Variants in KIRREL3 observed in about 807,000 individuals in gnomAD.
KIRREL3 encodes the protein kirre like nephrin family adhesion molecule 3.
A neutral mutation model predicts 89.7 loss-of-function variants in KIRREL3; 36 were observed. The ratio of observed to expected loss-of-function variants is 0.40; its 90% CI spans 0.31 to 0.53. KIRREL3 has a LOEUF of 0.53. KIRREL3 is among the 20% of genes least tolerant of loss of function. KIRREL3 has a pLI of 0.49. For missense variants in KIRREL3, 864 were observed against 1,056.6 expected (o/e 0.82, Z 2.53); for synonymous variants, 445 against 441.4 (o/e 1.01, Z -0.10).
In KIRREL3 at chr11:126,969,807, G is replaced by A. The variant is rs531946420; in HGVS notation, c.55+30648C>T. 3.9e-4 allele frequency among the ~76,000 whole-genome samples: 59 copies of A among 152,264 alleles called. No homozygotes were observed. Among genetic ancestry groups the A allele is most frequent in the African/African-American group, 1.3e-3 (56 of 41,550 alleles). On this transcript the variant is annotated intron_variant, in intron 1 of 16. Transcript: ENST00000525144. This position sits in a 1 kb window ranked among gnomAD's most constrained non-coding sequence, Gnocchi z 4.9. ...TTCCGGGATTCTGCCATTGAAGGAA[G>A]GAAAAAGGTAGCAGACAGCCTTTCC...
Position 126,890,532 on chromosome 11 carries a change from AC to A in KIRREL3, c.55+109922del, listed in dbSNP as rs1189602847. On this transcript the variant is annotated intron_variant, in intron 1 of 16. Coordinates refer to ENST00000525144, the MANE Select transcript of KIRREL3 (RefSeq NM_032531.4). This position sits in a 1 kb window ranked among gnomAD's most constrained non-coding sequence, Gnocchi z 5.1. ...TCAAGCACTTTGCCATTTAATGGTG[AC>A]CAAATCCCTCCAGTTTTCTGCTCCC... 1.0e-3 allele frequency among the ~76,000 whole-genome samples: 155 copies of A among 152,354 alleles called. 1 individual carries two copies. Among genetic ancestry groups the A allele is most frequent in the African/African-American group, 3.6e-3 (149 of 41,586 alleles).
At chr11:126,633,406 TG>T (rs1944130732) in intron 1 of KIRREL3, among the ~76,000 whole-genome samples, 1 of 152,096 alleles carries the variant, frequency 6.6e-6, no homozygotes, top group African/African-American at 2.4e-5. Flanking sequence ...TGGGGGCTGG[TG>T]GGAGGTGTTT....
intron 4 of KIRREL3, among the ~76,000 whole-genome samples, chr11:126,503,162 G>A (rs1417000934): frequency 6.6e-6 from 1 of 152,160 alleles, no homozygotes; most frequent in South Asian, 2.1e-4. Flanking sequence ...TAGATAAGCT[G>A]CTGTTTTTCT....
chr11:126,918,355 T>C lies in KIRREL3; in HGVS notation c.55+82100A>G, dbSNP rs1947124406. Reference sequence around the variant, plus strand: ...ACACCATGGTACCTCCCCCTGCATTTATTTTGGCAATTTGGTGCCGAATAT... The same window carrying C: ...ACACCATGGTACCTCCCCCTGCATTCATTTTGGCAATTTGGTGCCGAATAT... On this transcript the variant is annotated intron_variant, in intron 1 of 16. Coordinates refer to ENST00000525144, the MANE Select transcript of KIRREL3 (RefSeq NM_032531.4). This position sits in a 1 kb window ranked among gnomAD's most constrained non-coding sequence, Gnocchi z 6.5. Among the ~76,000 whole-genome samples, 1 of 152,182 alleles carries C rather than the reference T, an allele frequency of 6.6e-6. No individual in the cohort carries two copies. Among genetic ancestry groups the C allele is most frequent in the African/African-American group, 2.4e-5 (1 of 41,432 alleles).
rs920218597 is a variant in KIRREL3 at position 126,655,507 on chromosome 11, G to A, written c.56-92595C>T. Among the ~76,000 whole-genome samples, 4 of 152,090 alleles carry A rather than the reference G, an allele frequency of 2.6e-5. No individual in the cohort carries two copies. Among genetic ancestry groups the A allele is most frequent in the South Asian group, 2.1e-4 (1 of 4,816 alleles). On this transcript the variant is annotated intron_variant, in intron 1 of 16. Coordinates refer to ENST00000525144, the MANE Select transcript of KIRREL3 (RefSeq NM_032531.4). This position sits in a 1 kb window ranked among gnomAD's most constrained non-coding sequence, Gnocchi z 5.0. ...TAAAAATCACTTCACTTGTCAACTC[G>A]AAAGCTCTCCCTCCCACCTCAAGTT... is the stretch of plus-strand genomic sequence containing the variant.
rs1958533344 is a variant in KIRREL3, at chr11:126,519,990, G to A, written c.433+1325C>T. On this transcript the variant is annotated intron_variant, in intron 4 of 16. Transcript: ENST00000525144. This position sits in a 1 kb window ranked among gnomAD's most constrained non-coding sequence, Gnocchi z 4.3. ...TCTCATTCCTTTCATCGCAGGCCTG[G>A]GGAGACTCAAAGGTTGCAGGAGGTT... is the stretch of plus-strand genomic sequence containing the variant. Among the ~76,000 whole-genome samples the A allele has an allele frequency of 6.6e-6, 1 of 152,082 alleles. No homozygotes were observed. Among genetic ancestry groups the A allele is most frequent in the Non-Finnish European group, 1.5e-5 (1 of 68,018 alleles).
intron 1 of KIRREL3, among the ~76,000 whole-genome samples, chr11:126,950,732 T>C (rs1412737485): frequency 6.6e-6 from 1 of 152,248 alleles, no homozygotes; most frequent in East Asian, 1.9e-4. Flanking sequence ...GAGAGCCACC[T>C]GTCTGCACTC....
In KIRREL3 at chr11:126,475,386, C is replaced by T. The variant is rs576203662; in HGVS notation, c.434-1920G>A. ...AAGCTCCAGGAGGGACAGGAAGCCC[C>T]AGTGGGGGCCGGTAAGAAGCCAAGA... is the stretch of plus-strand genomic sequence containing the variant. On this transcript the variant is annotated intron_variant, in intron 4 of 16. Transcript: ENST00000525144. The surrounding 1 kb of genome is among the most constrained non-coding windows in gnomAD (Gnocchi z 7.5). Among the ~76,000 whole-genome samples the T allele has an allele frequency of 1.3e-5, 2 of 152,366 alleles. No homozygotes were observed. The highest frequency in any genetic ancestry group is 6.5e-5 in the Admixed American group (1 of 15,310).
chr11:126,456,815 G>A, intron 6 of KIRREL3, among the ~76,000 whole-genome samples: 1 of 152,226 alleles, frequency 6.6e-6, no homozygotes, highest in African/African-American at 2.4e-5. Flanking sequence ...TGGACACTCA[G>A]TCTCGCTTCA....
At position 126,872,342 on chromosome 11, in the gene KIRREL3, G is replaced by T. The variant is rs112280253; in HGVS notation, c.55+128113C>A. On this transcript the variant is annotated intron_variant, in intron 1 of 16. Coordinates refer to ENST00000525144, the MANE Select transcript of KIRREL3 (RefSeq NM_032531.4). The surrounding 1 kb of genome is among the most constrained non-coding windows in gnomAD (Gnocchi z 4.2). ...CTTAATTTGCATGTAAATAAAGGGGGTATAAACACAGTTGTCAGCAGCCCA... is the reference window on the plus strand; with the variant it reads ...CTTAATTTGCATGTAAATAAAGGGGTTATAAACACAGTTGTCAGCAGCCCA... 2.6e-5 allele frequency among the ~76,000 whole-genome samples: 4 copies of T among 152,202 alleles called. No homozygotes were observed. The highest frequency in any genetic ancestry group is 9.6e-5 in the African/African-American group (4 of 41,460).
chr11:126,583,847 C>T (rs1336330811), intron 1 of KIRREL3, among the ~76,000 whole-genome samples: 1 of 152,178 alleles, frequency 6.6e-6, no homozygotes, highest in Non-Finnish European at 1.5e-5. Flanking sequence ...GACGGCAGGC[C>T]CGAGGCAGCC....
intron 16 of KIRREL3, among the ~76,000 whole-genome samples, chr11:126,425,267 G>T (rs528290863): frequency 1.3e-5 from 2 of 152,356 alleles, no homozygotes; most frequent in African/African-American, 4.8e-5. Context: ...GGACGGCAAG[G>T]GTGAGGGCTG....
intron 1 of KIRREL3, among the ~76,000 whole-genome samples, chr11:126,966,318 G>C (rs1392275486): frequency 1.3e-5 from 2 of 152,188 alleles, no homozygotes; most frequent in East Asian, 1.9e-4. Flanking sequence ...GAAAAGATCT[G>C]TATCGAGTCA....
intron 1 of KIRREL3, among the ~76,000 whole-genome samples, chr11:126,698,832 T>C (rs1367056155): frequency 6.6e-6 from 1 of 152,220 alleles, no homozygotes; most frequent in Admixed American, 6.5e-5. Flanking sequence ...GGTGGCCTCG[T>C]GCACAGAGCC....
chr11:126,911,765 C>T (rs567485079), intron 1 of KIRREL3, among the ~76,000 whole-genome samples: 386 of 151,806 alleles, frequency 2.5e-3, no homozygotes, highest in African/African-American at 8.1e-3. Context: ...GGGCGGATGA[C>T]GAGGTCAGGA....
chr11:126,657,938 A>G (rs1440028819), intron 1 of KIRREL3, among the ~76,000 whole-genome samples: 2 of 152,210 alleles, frequency 1.3e-5, no homozygotes, highest in African/African-American at 4.8e-5. Flanking sequence ...AGCGCAATTC[A>G]TGACCAGTCC....
In KIRREL3 at chr11:126,815,594, C is replaced by T. The variant is rs549025016; in HGVS notation, c.55+184861G>A. On this transcript the variant is annotated intron_variant, in intron 1 of 16. Transcript: ENST00000525144. ...TGTCGCCCAGGCTGGAGTGCAGTGG[C>T]GCGATCTCGGCTCACTGCAAGCTCC... Among the ~76,000 whole-genome samples the T allele has an allele frequency of 9.9e-5, 15 of 152,196 alleles. No homozygotes were observed. In the South Asian group the frequency reaches 1.7e-3, roughly 17 times the overall value.
rs957302153 is a variant in KIRREL3, at chr11:126,525,558, A to T, written c.283+980T>A. Among the ~76,000 whole-genome samples, 3 of 152,188 alleles carry T rather than the reference A, an allele frequency of 2.0e-5. No individual in the cohort carries two copies. Among genetic ancestry groups the T allele is most frequent in the Non-Finnish European group, 4.4e-5 (3 of 68,034 alleles). ...TAAAAATATTAATTTCCCAACCATC[A>T]TGTTCCTGAGTGCACTTCGATTTTT... On this transcript the variant is annotated intron_variant, in intron 3 of 16. Transcript: ENST00000525144. The surrounding 1 kb of genome is among the most constrained non-coding windows in gnomAD (Gnocchi z 5.4).
At chr11:126,862,168 A>C (rs2134620220) in intron 1 of KIRREL3, among the ~76,000 whole-genome samples, 1 of 152,330 alleles carries the variant, frequency 6.6e-6, no homozygotes, top group Admixed American at 6.5e-5. Context: ...TGCTGTTCAT[A>C]CTACACATGT....
Sources: gnomAD v4.1 joint callset for allele counts (sites outside exome capture counted in the v4.1 genomes callset) on GRCh38, gnomAD v4.1.1 for gene constraint, Gnocchi (gnomAD v3.1) non-coding constraint, MANE v1.5 for transcripts, NCBI Gene and HGNC (gene_info 2026-07-23, HGNC 2026-07-21) for gene names.